Variants in HIVEP3 observed in about 807,000 individuals in gnomAD.
HIVEP3 encodes transcription factor HIVEP3.
HIVEP3 carries 49 observed loss-of-function variants against 152.8 expected under a neutral mutation model. That is an observed-to-expected ratio of 0.32 (90% confidence interval 0.26 to 0.41). The LOEUF is 0.41. Among genes scored for constraint, HIVEP3 ranks in the 10% least tolerant of loss-of-function variants. HIVEP3 has a pLI of 1.00. For synonymous variants in HIVEP3, 1,269 were observed against 1,289.0 expected (o/e 0.98, Z 0.33); for missense variants, 2,790 against 3,103.3 (o/e 0.90, Z 2.40).
chr1:41,563,000 G>A (rs995994239), intron 5 of HIVEP3, among the ~76,000 whole-genome samples: 3 of 152,034 alleles, frequency 2.0e-5, no homozygotes, highest in African/African-American at 4.8e-5. Context: ...TTGAAACTGA[G>A]CCCTTTTGAG....
rs74071392 is a variant in HIVEP3, at chr1:41,777,929, C to T, written c.-800-76934G>A. Among the ~76,000 whole-genome samples, 248 of 152,336 alleles carry T rather than the reference C, an allele frequency of 1.6e-3. 3 individuals carry two copies. The highest frequency in any genetic ancestry group is 5.1e-3 in the African/African-American group (211 of 41,574). On this transcript the variant is annotated intron_variant, in intron 1 of 8. Coordinates refer to ENST00000372583, the MANE Select transcript of HIVEP3 (RefSeq NM_024503.5). ...ATGCATCAGATTACCGCGTGCTTCA[C>T]GCATGGTGTGGTGGAGCTTGCAACG...
intron 1 of HIVEP3, among the ~76,000 whole-genome samples, chr1:42,027,216 A>G (rs993449105): frequency 5.1e-4 from 78 of 152,330 alleles, no homozygotes; most frequent in African/African-American, 1.8e-3. Flanking sequence ...CATCTAATAC[A>G]TTGGCAAATT....
chr1:41,902,170 A>G (rs1373772572), intron 1 of HIVEP3, among the ~76,000 whole-genome samples: 1 of 152,130 alleles, frequency 6.6e-6, no homozygotes, highest in Non-Finnish European at 1.5e-5. Context: ...AGAATCCTGG[A>G]CACTAAAAGG....
chr1:42,006,839 C>A (rs894237123), intron 1 of HIVEP3, among the ~76,000 whole-genome samples: 1 of 152,166 alleles, frequency 6.6e-6, no homozygotes, highest in Admixed American at 6.5e-5. Context: ...CCCCCAGGGA[C>A]CCCTAGATCA....
chr1:41,805,657 G>A (rs1174508473), intron 1 of HIVEP3, among the ~76,000 whole-genome samples: 11 of 152,220 alleles, frequency 7.2e-5, no homozygotes, highest in Admixed American at 7.2e-4. Context: ...CCAGGCAAGA[G>A]GATACGTGAC....
At chr1:41,689,480 G>A (rs1052073230) in intron 2 of HIVEP3, among the ~76,000 whole-genome samples, 1 of 152,332 alleles carries the variant, frequency 6.6e-6, no homozygotes, top group East Asian at 1.9e-4. Flanking sequence ...CCTCCAGCAA[G>A]TTGTCATAGT....
At chr1:41,673,089 C>A (rs190104594) in intron 2 of HIVEP3, among the ~76,000 whole-genome samples, 1 of 152,172 alleles carries the variant, frequency 6.6e-6, no homozygotes, top group African/African-American at 2.4e-5. Flanking sequence ...CCCAGGCTGG[C>A]GGTCCCCCTG....
In HIVEP3 at chr1:41,755,966, C is replaced by T. The variant is rs373431983; in HGVS notation, c.-800-54971G>A. Reference sequence around the variant, plus strand: ...AACATACAGTTAGCATAAGACCTGACAGTAATACTCCTGGGCATTTATCTC... The same window carrying T: ...AACATACAGTTAGCATAAGACCTGATAGTAATACTCCTGGGCATTTATCTC... On this transcript the variant is annotated intron_variant, in intron 1 of 8. Transcript: ENST00000372583. 4.0e-4 allele frequency among the ~76,000 whole-genome samples: 61 copies of T among 152,340 alleles called. 1 individual carries two copies. In the South Asian group the frequency reaches 0.012, roughly 30 times the overall value.
At position 41,580,445 on chromosome 1, in the gene HIVEP3, C is replaced by T. The variant is rs770040267; in HGVS notation, c.4353G>A (p.Lys1451=). 6.2e-7 allele frequency: 1 copy of T among 1,614,194 alleles called. No homozygotes were observed. Among genetic ancestry groups the T allele is most frequent in the Non-Finnish European group, 8.5e-7 (1 of 1,180,042 alleles). ...TMETQQQKRV[K]EEEASKADEK... Reference sequence around the variant, plus strand: ...CATCTGCCTTGGAAGCCTCCTCCTCCTTCACTCTTTTTTGCTGCTGGGTTT... The same window carrying T: ...CATCTGCCTTGGAAGCCTCCTCCTCTTTCACTCTTTTTTGCTGCTGGGTTT... The change falls in exon 4 of 9, where the codon AAG becomes AAA. Residue 1451 remains lysine (K), a synonymous_variant. Coordinates refer to ENST00000372583, the MANE Select transcript of HIVEP3 (RefSeq NM_024503.5).
At chr1:41,839,693 C>G (rs773080522) in intron 1 of HIVEP3, among the ~76,000 whole-genome samples, 15 of 152,156 alleles carry the variant, frequency 9.9e-5, no homozygotes, top group Non-Finnish European at 1.3e-4. Flanking sequence ...TTAATGGCCA[C>G]GCCTGGGGTC....
chr1:41,932,991 T>G (rs1384331766), intron 1 of HIVEP3, among the ~76,000 whole-genome samples: 3 of 151,962 alleles, frequency 2.0e-5, no homozygotes, highest in Admixed American at 1.3e-4. Flanking sequence ...CCACTTATAT[T>G]TCTATTATTG....
At chr1:41,700,540 C>G (rs1480691380) in intron 2 of HIVEP3, among the ~76,000 whole-genome samples, 1 of 152,212 alleles carries the variant, frequency 6.6e-6, no homozygotes, top group African/African-American at 2.4e-5. Context: ...GAGCCCAGGG[C>G]CTTGGCTTGA....
intron 1 of HIVEP3, among the ~76,000 whole-genome samples, chr1:41,741,502 G>A (rs985687829): frequency 7.2e-5 from 11 of 152,198 alleles, no homozygotes; most frequent in African/African-American, 2.7e-4. Flanking sequence ...GCCCTCGCAG[G>A]GTGCACAGTG....
chr1:41,764,446 C>T (rs1366261234), intron 1 of HIVEP3, among the ~76,000 whole-genome samples: 4 of 152,088 alleles, frequency 2.6e-5, no homozygotes, highest in Non-Finnish European at 5.9e-5. Context: ...ACAGGAGAAG[C>T]GAAAGATAAG....
At chr1:41,926,841 G>A (rs1644970676) in intron 1 of HIVEP3, among the ~76,000 whole-genome samples, 1 of 152,180 alleles carries the variant, frequency 6.6e-6, no homozygotes, top group African/African-American at 2.4e-5. Flanking sequence ...GAGTTTTAGG[G>A]AAAATATGGA....
At chr1:41,760,544 T>C (rs1267943388) in intron 1 of HIVEP3, among the ~76,000 whole-genome samples, 1 of 152,140 alleles carries the variant, frequency 6.6e-6, no homozygotes, top group Non-Finnish European at 1.5e-5. Flanking sequence ...GGCTTGTTCA[T>C]TTTATGGATC....
At position 41,594,254 on chromosome 1, in the gene HIVEP3, G is replaced by A. The variant is rs186396781; in HGVS notation, c.-521-8936C>T. ...TTATTATTTTTTGAAATGGAGTCTC[G>A]CTCTGTTGCCCAGGATGGAGTGCAG... On this transcript the variant is annotated intron_variant, in intron 3 of 8. Coordinates refer to ENST00000372583, the MANE Select transcript of HIVEP3 (RefSeq NM_024503.5). 5.9e-5 allele frequency among the ~76,000 whole-genome samples: 9 copies of A among 152,108 alleles called. No individual in the cohort carries two copies. In the East Asian group the frequency reaches 1.5e-3, roughly 26 times the overall value.
intron 1 of HIVEP3, among the ~76,000 whole-genome samples, chr1:41,890,733 C>T (rs563532024): frequency 2.4e-4 from 36 of 152,264 alleles, no homozygotes; most frequent in Admixed American, 5.9e-4. Context: ...CTGGGCAAGG[C>T]GTGGGCTGGC....
intron 1 of HIVEP3, among the ~76,000 whole-genome samples, chr1:41,724,806 C>T (rs961845564): frequency 8.5e-5 from 13 of 152,240 alleles, no homozygotes; most frequent in Admixed American, 2.0e-4. Context: ...CCAGGTGAGA[C>T]GGTTCTGTTC....
Sources: gnomAD v4.1 joint callset for allele counts (sites outside exome capture counted in the v4.1 genomes callset) on GRCh38, gnomAD v4.1.1 for gene constraint, MANE v1.5 for transcripts, NCBI Gene and HGNC (gene_info 2026-07-23, HGNC 2026-07-21) for gene names.